Variants in C13orf42 observed in about 807,000 individuals in gnomAD.
The protein encoded by C13orf42 is uncharacterized protein C13orf42.
At position 51,140,749 on chromosome 13, in the gene C13orf42, T is replaced by C. The variant is rs1953689651; in HGVS notation, n.137-27527A>G. Among the ~76,000 whole-genome samples the C allele has an allele frequency of 7.2e-5, 11 of 152,302 alleles. No individual in the cohort carries two copies. The South Asian group carries it at 1.9e-3, about 26-fold the overall frequency. The stretch of plus-strand genomic sequence containing the variant: ...CGATGGAAGGGAGGTCACTCCTTTA[T>C]GGAGTTTGAGCTTGCTTCCAACAGG... On this transcript the variant is annotated intron_variant and non_coding_transcript_variant, in intron 1 of 4. Transcript: ENST00000433280.
At chr13:51,102,433 G>A (rs1471545254) in intron 1 of C13orf42, among the ~76,000 whole-genome samples, 3 of 152,218 alleles carry the variant, frequency 2.0e-5, no homozygotes, top group African/African-American at 7.2e-5. Context: ...AACCAAGGCT[G>A]AGTGGCCTTA....
chr13:51,169,453 C>G (rs1953928332), intron 1 of C13orf42, among the ~76,000 whole-genome samples: 1 of 152,202 alleles, frequency 6.6e-6, no homozygotes, highest in African/African-American at 2.4e-5. Context: ...GGAATTCAAG[C>G]CAGCTGCAGA....
At chr13:51,112,361 G>A (rs1566129460), upstream of C13orf42, among the ~76,000 whole-genome samples, 2 of 151,856 alleles carry the variant, frequency 1.3e-5, no homozygotes, top group Non-Finnish European at 2.9e-5. Flanking sequence ...GTGTGTGTGG[G>A]GTGTGTGTGT....
intron 1 of C13orf42, among the ~76,000 whole-genome samples, chr13:51,151,101 C>T (rs4942963): frequency 0.68 from 103,313 of 152,096 alleles, 35,200 homozygotes; most frequent in African/African-American, 0.73. Context: ...TAAAGACGTC[C>T]ACACATGAAT....
intron 1 of C13orf42, among the ~76,000 whole-genome samples, chr13:51,157,205 G>A (rs965494099): frequency 3.3e-5 from 5 of 152,096 alleles, no homozygotes; most frequent in African/African-American, 1.2e-4. Context: ...AGGCCGAGGC[G>A]GACGGATCGT....
intron 1 of C13orf42, among the ~76,000 whole-genome samples, chr13:51,138,539 T>C (rs958101214): frequency 6.6e-6 from 1 of 151,868 alleles, no homozygotes; most frequent in Non-Finnish European, 1.5e-5. Flanking sequence ...TCTCTCAGGA[T>C]GGCTTTTATC....
intron 1 of C13orf42, among the ~76,000 whole-genome samples, chr13:51,096,251 A>C (rs941081883): frequency 9.9e-5 from 15 of 152,160 alleles, no homozygotes; most frequent in Non-Finnish European, 4.4e-5. Context: ...CTCTGTTAGC[A>C]GTATTCCACT....
intron 1 of C13orf42, among the ~76,000 whole-genome samples, chr13:51,149,705 T>C (rs1384011230): frequency 2.0e-5 from 3 of 152,208 alleles, no homozygotes; most frequent in East Asian, 1.9e-4. Context: ...GTTTTTCCAG[T>C]GCAAACTCAT....
At chr13:51,153,630 C>CTTTTTTTTTTTTT (rs1206289963) in intron 1 of C13orf42, among the ~76,000 whole-genome samples, 54 of 81,254 alleles carry the variant, frequency 6.6e-4, no homozygotes, top group Non-Finnish European at 1.1e-3. Context: ...TGTTTTTTTT[C>CTTTTTTTTTTTTT]TTTTTTTTTT....
intron 1 of C13orf42, among the ~76,000 whole-genome samples, chr13:51,102,892 C>T (rs777583064): frequency 3.9e-5 from 6 of 152,062 alleles, no homozygotes; most frequent in South Asian, 2.1e-4. Context: ...GAAGAGCAAG[C>T]GAGAGAGGAA....
chr13:51,126,181 A>G (rs1047825418), intron 1 of C13orf42, among the ~76,000 whole-genome samples: 3 of 152,200 alleles, frequency 2.0e-5, no homozygotes, highest in African/African-American at 7.2e-5. Context: ...CACCTACCAT[A>G]TGCCAAAACT....
intron 1 of C13orf42, among the ~76,000 whole-genome samples, chr13:51,092,437 T>C (rs537050443): frequency 5.3e-5 from 8 of 152,316 alleles, no homozygotes; most frequent in African/African-American, 1.7e-4. Context: ...TTTCCGGATT[T>C]GGTTTATTTA....
intron 1 of C13orf42, among the ~76,000 whole-genome samples, chr13:51,154,146 G>C (rs910750975): frequency 6.6e-6 from 1 of 152,102 alleles, no homozygotes; most frequent in Non-Finnish European, 1.5e-5. Context: ...GGGGTTCTTC[G>C]TGAGTAGCAT....
chr13:51,124,212 G>A (rs533884225), intron 1 of C13orf42, among the ~76,000 whole-genome samples: 8 of 152,016 alleles, frequency 5.3e-5, no homozygotes, highest in Non-Finnish European at 4.4e-5. Context: ...TTTCATCCCC[G>A]GGCCAACCAA....
upstream of C13orf42, chr13:51,111,339 A>G: frequency 2.5e-6 from 1 of 397,096 alleles, no homozygotes; most frequent in Non-Finnish European, 4.4e-6. Context: ...GATCTCTAGG[A>G]TCCCAGGGAG....
At chr13:51,138,375 CA>C (rs1041930600) in intron 1 of C13orf42, among the ~76,000 whole-genome samples, 3 of 151,782 alleles carry the variant, frequency 2.0e-5, no homozygotes, top group African/African-American at 7.3e-5. Flanking sequence ...AAAACAAAAA[CA>C]AAAAAACCTA....
At chr13:51,090,340 A>C (rs1439442691) in intron 1 of C13orf42, among the ~76,000 whole-genome samples, 1 of 152,096 alleles carries the variant, frequency 6.6e-6, no homozygotes, top group Non-Finnish European at 1.5e-5. Flanking sequence ...TCATTACCTA[A>C]CCTAAGTCTA....
intron 1 of C13orf42, among the ~76,000 whole-genome samples, chr13:51,117,211 G>A (rs1202327282): frequency 6.6e-6 from 1 of 152,212 alleles, no homozygotes; most frequent in African/African-American, 2.4e-5. Context: ...CAAATTATTT[G>A]TAGTCAGCTT....
chr13:51,140,107 T>C (rs1259994906), intron 1 of C13orf42, among the ~76,000 whole-genome samples: 3 of 152,198 alleles, frequency 2.0e-5, no homozygotes, highest in African/African-American at 4.8e-5. Flanking sequence ...CTCACTGAGA[T>C]AGGTGCATAT....
Sources: gnomAD v4.1 joint callset for allele counts (sites outside exome capture counted in the v4.1 genomes callset) on GRCh38, gnomAD v4.1.1 for gene constraint, MANE v1.5 for transcripts, NCBI Gene and HGNC (gene_info 2026-07-23, HGNC 2026-07-21) for gene names.